FAF1: variants seen among roughly 807,000 people sequenced by gnomAD.
FAF1 encodes FAS-associated factor 1.
Under a neutral mutation model 92.5 loss-of-function variants are expected in FAF1, and 25 were observed. The ratio of observed to expected loss-of-function variants is 0.27; its 90% CI spans 0.20 to 0.38. FAF1 has a LOEUF of 0.38. FAF1 is among the 10% of genes least tolerant of loss of function. The probability of loss-of-function intolerance (pLI) is 1.00; values close to 1 mark genes in which losing one functional copy is unlikely to be tolerated. For synonymous variants in FAF1, 234 were observed against 273.2 expected (o/e 0.86, Z 1.42); for missense variants, 636 against 793.3 (o/e 0.80, Z 2.38).
Position 50,547,696 on chromosome 1 carries a change from G to A in FAF1, c.1269-7968C>T, listed in dbSNP as rs576399085. ...CCCAAAGTGCTGGGATTACAGGCGTGAGCCACCGCGCCCGGCAAAAGCAAT... is the reference window on the plus strand; with the variant it reads ...CCCAAAGTGCTGGGATTACAGGCGTAAGCCACCGCGCCCGGCAAAAGCAAT... On this transcript the variant is annotated intron_variant, in intron 13 of 18. Transcript: ENST00000396153. 4.6e-5 allele frequency among the ~76,000 whole-genome samples: 7 copies of A among 152,312 alleles called. No individual in the cohort carries two copies. In the East Asian group the frequency reaches 1.2e-3, roughly 25 times the overall value.
At position 50,463,158 on chromosome 1, in the gene FAF1, AG is replaced by A. The variant is rs1387883159; in HGVS notation, c.1869+12305del. On this transcript the variant is annotated intron_variant, in intron 18 of 18. Coordinates refer to ENST00000396153, the MANE Select transcript of FAF1 (RefSeq NM_007051.3). ...TCTGGCAGAGTATACCTATGTGTTCAGCACCCAATAAAAGCCCTGGGCAGAG... is the reference window on the plus strand; with the variant it reads ...TCTGGCAGAGTATACCTATGTGTTCACACCCAATAAAAGCCCTGGGCAGAG... 2.0e-5 allele frequency among the ~76,000 whole-genome samples: 3 copies of A among 152,176 alleles called. No homozygotes were observed. The East Asian group carries it at 5.8e-4, about 29-fold the overall frequency.
intron 13 of FAF1, among the ~76,000 whole-genome samples, chr1:50,540,277 C>T (rs1648702080): frequency 6.6e-6 from 1 of 152,022 alleles, no homozygotes; most frequent in Non-Finnish European, 1.5e-5. Flanking sequence ...CGGCAGGATT[C>T]TTAGCCTTAA....
At chr1:50,630,279 C>G (rs1653710996) in intron 8 of FAF1, among the ~76,000 whole-genome samples, 2 of 152,104 alleles carry the variant, frequency 1.3e-5, no homozygotes, top group Non-Finnish European at 2.9e-5. Flanking sequence ...TTGCATTAAA[C>G]TAAAATTCAA....
chr1:50,556,238 CAA>C (rs34420030), intron 13 of FAF1, among the ~76,000 whole-genome samples: 79 of 73,806 alleles, frequency 1.1e-3, no homozygotes, highest in African/African-American at 3.1e-3. Flanking sequence ...ACTCCATCTC[CAA>C]AAAAAAAAAA....
chr1:50,838,325 A>T (rs909419182), intron 2 of FAF1, among the ~76,000 whole-genome samples: 1 of 151,808 alleles, frequency 6.6e-6, no homozygotes, highest in Non-Finnish European at 1.5e-5. Context: ...ATTTTATCCT[A>T]TGAAACTCAT....
chr1:50,587,765 A>AT (rs1459155547), intron 9 of FAF1, among the ~76,000 whole-genome samples: 1 of 152,228 alleles, frequency 6.6e-6, no homozygotes, highest in East Asian at 1.9e-4. Flanking sequence ...GGAGCACCAT[A>AT]TATTATACAC....
At chr1:50,902,991 G>A (rs868624310) in intron 1 of FAF1, among the ~76,000 whole-genome samples, 2 of 151,856 alleles carry the variant, frequency 1.3e-5, no homozygotes, top group South Asian at 2.1e-4. Flanking sequence ...GGTAATCTTG[G>A]TCCTTCTCCT....
chr1:50,754,867 G>A (rs1053078224), intron 4 of FAF1, among the ~76,000 whole-genome samples: 2 of 152,072 alleles, frequency 1.3e-5, no homozygotes, highest in African/African-American at 4.8e-5. Flanking sequence ...AGGTTGTGTA[G>A]GGAAACTCCT....
chr1:50,934,077 A>C (rs1262935547), intron 1 of FAF1, among the ~76,000 whole-genome samples: 1 of 152,068 alleles, frequency 6.6e-6, no homozygotes, highest in Non-Finnish European at 1.5e-5. Context: ...AATCTATTTT[A>C]TCTCTTCTAT....
At chr1:50,803,071 C>T (rs554335722) in intron 2 of FAF1, among the ~76,000 whole-genome samples, 1 of 152,294 alleles carries the variant, frequency 6.6e-6, no homozygotes, top group East Asian at 1.9e-4. Flanking sequence ...ACTCTGGAGG[C>T]TTGTAAATCC....
chr1:50,689,473 G>T (rs1240349444), intron 7 of FAF1, among the ~76,000 whole-genome samples: 3 of 152,100 alleles, frequency 2.0e-5, no homozygotes, highest in African/African-American at 7.2e-5. Flanking sequence ...GGTCCGGACT[G>T]CTCAGGAGGC....
At chr1:50,703,836 T>C (rs1657569413) in intron 7 of FAF1, among the ~76,000 whole-genome samples, 1 of 152,186 alleles carries the variant, frequency 6.6e-6, no homozygotes, top group Non-Finnish European at 1.5e-5. Flanking sequence ...TAAATATTTC[T>C]TTTAATAATT....
intron 6 of FAF1, among the ~76,000 whole-genome samples, chr1:50,717,004 GACC>G (rs1385022573): frequency 6.6e-6 from 1 of 152,154 alleles, no homozygotes; most frequent in Non-Finnish European, 1.5e-5. Context: ...AAGTCAGCGA[GACC>G]ACCAACCCAC....
chr1:50,481,467 T>C (rs1267298127), intron 17 of FAF1, among the ~76,000 whole-genome samples: 1 of 152,242 alleles, frequency 6.6e-6, no homozygotes, highest in Non-Finnish European at 1.5e-5. Flanking sequence ...GCCTGCAGTA[T>C]TCAATACAGT....
At chr1:50,509,009 T>C (rs1647097634) in intron 15 of FAF1, among the ~76,000 whole-genome samples, 1 of 152,134 alleles carries the variant, frequency 6.6e-6, no homozygotes. Flanking sequence ...TGGCCCAAAT[T>C]GTATACTTTA....
chr1:50,928,106 G>A (rs997969107), intron 1 of FAF1, among the ~76,000 whole-genome samples: 2 of 152,176 alleles, frequency 1.3e-5, no homozygotes, highest in African/African-American at 2.4e-5. Flanking sequence ...CTGGTTTTCA[G>A]GAACAAGTCA....
intron 3 of FAF1, among the ~76,000 whole-genome samples, chr1:50,801,148 T>C (rs1175595079): frequency 6.6e-6 from 1 of 152,202 alleles, no homozygotes; most frequent in Non-Finnish European, 1.5e-5. Context: ...TCAAGTAAAA[T>C]AGTTCAGTAC....
chr1:50,678,564 G>A (rs912389065), intron 7 of FAF1, among the ~76,000 whole-genome samples: 4 of 151,852 alleles, frequency 2.6e-5, no homozygotes, highest in Non-Finnish European at 5.9e-5. Flanking sequence ...GGTGGATCAC[G>A]AGGTCAGGAG....
intron 15 of FAF1, among the ~76,000 whole-genome samples, chr1:50,493,800 G>A (rs1158406698): frequency 6.6e-6 from 1 of 152,190 alleles, no homozygotes; most frequent in Non-Finnish European, 1.5e-5. Flanking sequence ...TCCACAAAAT[G>A]GCTGGCCCAA....
Sources: allele counts gnomAD v4.1 joint callset (sites outside exome capture counted in the v4.1 genomes callset), GRCh38; gene constraint gnomAD v4.1.1; transcripts MANE v1.5; gene names NCBI Gene and HGNC (gene_info 2026-07-23, HGNC 2026-07-21).